Variants in EPCIP observed in about 807,000 individuals in gnomAD.
EPCIP encodes exosomal polycystin 1 interacting protein, also known as exosomal polycystin-1-interacting protein.
chr21:32,806,484 A>G, the EPCIP span, among the ~76,000 whole-genome samples: 1 of 152,286 alleles, frequency 6.6e-6, no homozygotes, highest in African/African-American at 2.4e-5. Flanking sequence ...TGTTTTGTAG[A>G]CGTAGTGGTG....
At chr21:32,795,977 CTTCCTTCCCTCCTTCCCTCCTTCCCTCT>C in the EPCIP span, among the ~76,000 whole-genome samples, 27 of 141,706 alleles carry the variant, frequency 1.9e-4, 2 homozygotes, top group South Asian at 6.2e-3. Context: ...TCCTTCTTTC[CTTCCTTCCCTCCTTCCCTCCTTCCCTCT>C]TTCCTTCCCT....
the EPCIP span, chr21:32,794,291 C>G: frequency 6.2e-7 from 1 of 1,614,286 alleles, no homozygotes; most frequent in Non-Finnish European, 8.5e-7. Context: ...CGCAGAACAG[C>G]TGCAGTTCCG....
the EPCIP span, among the ~76,000 whole-genome samples, chr21:32,809,040 A>G: frequency 6.6e-6 from 1 of 151,994 alleles, no homozygotes; most frequent in African/African-American, 2.4e-5. Flanking sequence ...CACAGAGAAG[A>G]TTCTTTTTTT....
At chr21:32,803,147 C>G in the EPCIP span, among the ~76,000 whole-genome samples, 1 of 152,166 alleles carries the variant, frequency 6.6e-6, no homozygotes, top group Non-Finnish European at 1.5e-5. Context: ...GTGCCTTCCT[C>G]TTAACTCCCT....
At chr21:32,800,823 CA>C in the EPCIP span, among the ~76,000 whole-genome samples, 703 of 20,414 alleles carry the variant, frequency 0.034, 7 homozygotes, top group African/African-American at 0.052. Flanking sequence ...AAAAAAAAAC[CA>C]AAAAAAAAAA....
At chr21:32,795,911 G>A in the EPCIP span, among the ~76,000 whole-genome samples, 1 of 152,152 alleles carries the variant, frequency 6.6e-6, no homozygotes, top group Admixed American at 6.5e-5. Context: ...AACTGTGACT[G>A]TATTCATGCA....
At chr21:32,799,368 G>A in the EPCIP span, among the ~76,000 whole-genome samples, 3 of 152,178 alleles carry the variant, frequency 2.0e-5, no homozygotes, top group Non-Finnish European at 2.9e-5. Flanking sequence ...AGGGCCCCTC[G>A]ATTTTACCAC....
the EPCIP span, among the ~76,000 whole-genome samples, chr21:32,809,279 C>CCTTCCTTCCTTCCTTT: frequency 1.3e-5 from 1 of 79,968 alleles, no homozygotes; most frequent in African/African-American, 4.6e-5. Flanking sequence ...CTCCCTCCTT[C>CCTTCCTTCCTTCCTTT]CTTTCTTTCT....
the EPCIP span, chr21:32,798,005 A>G: frequency 2.6e-5 from 4 of 152,122 alleles, no homozygotes; most frequent in African/African-American, 4.8e-5. Context: ...GCAACCTCTC[A>G]AGAAAAAATA....
chr21:32,809,273 CTCCT>C, the EPCIP span, among the ~76,000 whole-genome samples: 14 of 76,392 alleles, frequency 1.8e-4, no homozygotes, highest in African/African-American at 3.4e-4. Context: ...TCTTCCCTCC[CTCCT>C]TCCTTTCTTT....
At chr21:32,812,587 CT>C in the EPCIP span, among the ~76,000 whole-genome samples, 6 of 150,992 alleles carry the variant, frequency 4.0e-5, no homozygotes, top group Non-Finnish European at 8.9e-5. Flanking sequence ...AATGAAAAGT[CT>C]TTTTTTTTCC....
chr21:32,800,861 A>T, the EPCIP span, among the ~76,000 whole-genome samples: 1 of 152,122 alleles, frequency 6.6e-6, no homozygotes, highest in Admixed American at 6.5e-5. Flanking sequence ...TAGCATCTTG[A>T]CTGAAAAATT....
At chr21:32,804,494 A>G in the EPCIP span, among the ~76,000 whole-genome samples, 1 of 151,914 alleles carries the variant, frequency 6.6e-6, no homozygotes, top group South Asian at 2.1e-4. Context: ...AAGTACTCAT[A>G]GGCATGCTAC....
the EPCIP span, among the ~76,000 whole-genome samples, chr21:32,812,391 G>A: frequency 6.6e-6 from 1 of 152,150 alleles, no homozygotes; most frequent in East Asian, 1.9e-4. Flanking sequence ...CACAGACACA[G>A]ACACAAGCCA....
At chr21:32,812,866 TA>T in the EPCIP span, among the ~76,000 whole-genome samples, 1,804 of 152,312 alleles carry the variant, frequency 0.012, 85 homozygotes, top group Non-Finnish European at 6.1e-3. Context: ...CATTTTGAAT[TA>T]AAACATTCCC....
chr21:32,796,933 T>C, the EPCIP span: 1 of 469,684 alleles, frequency 2.1e-6, no homozygotes, highest in Admixed American at 2.4e-5. Context: ...TGCCTCCCTG[T>C]TTCAGGTGCT....
the EPCIP span, among the ~76,000 whole-genome samples, chr21:32,796,206 C>T: frequency 1.3e-5 from 2 of 152,114 alleles, no homozygotes; most frequent in African/African-American, 2.4e-5. Context: ...TGGGCTGGGG[C>T]GTCATAGCCC....
At chr21:32,794,048 A>G in the EPCIP span, 6 of 1,614,214 alleles carry the variant, frequency 3.7e-6, no homozygotes, top group South Asian at 6.6e-5. Flanking sequence ...GTTGATGCGC[A>G]GCCTCTTCAG....
the EPCIP span, chr21:32,794,537 T>A: frequency 1.0e-6 from 1 of 1,002,076 alleles, no homozygotes; most frequent in Non-Finnish European, 1.5e-6. Flanking sequence ...AATACACAGC[T>A]TATGGAAAAG....
Sources: gnomAD v4.1 joint callset for allele counts (sites outside exome capture counted in the v4.1 genomes callset) on GRCh38, gnomAD v4.1.1 for gene constraint, MANE v1.5 for transcripts, NCBI Gene and HGNC (gene_info 2026-07-23, HGNC 2026-07-21) for gene names.